CHRNB4: variants seen among roughly 807,000 people sequenced by gnomAD.
CHRNB4 encodes the protein neuronal acetylcholine receptor subunit beta-4.
Under a neutral mutation model 40.4 loss-of-function variants are expected in CHRNB4, and 23 were observed. The observed-to-expected ratio is 0.57, with a 90% confidence interval of 0.41 to 0.81. CHRNB4 has a LOEUF of 0.81. CHRNB4 is among the 30% of genes least tolerant of loss of function. The pLI is 0.00. For synonymous variants in CHRNB4, 285 were observed against 274.4 expected (o/e 1.04, Z -0.38); for missense variants, 568 against 670.6 (o/e 0.85, Z 1.69).
intron 5 of CHRNB4, among the ~76,000 whole-genome samples, chr15:78,628,652 C>T (rs2053717982): frequency 6.6e-6 from 1 of 152,090 alleles, no homozygotes; most frequent in Non-Finnish European, 1.5e-5. Context: ...TCTCCTTTCC[C>T]TGTCTCACTT....
At chr15:78,661,434 C>A, upstream of CHRNB4, 1 of 513,732 alleles carries the variant, frequency 1.9e-6, no homozygotes, top group Admixed American at 2.4e-5. Context: ...ACAGAGTGAC[C>A]GGTTGGTGCG....
Position 78,629,401 on chromosome 15 carries a change from T to G in CHRNB4, c.904A>C (p.Thr302Pro). The stretch of plus-strand genomic sequence containing the variant: ...ATGGAGAAGGTGACCAGCACCATGG[T>G]GAACATGAGGTACTTGCCGATGAGA... The part of the protein sequence containing the change: ...VPLIGKYLMF[T>P]MVLVTFSIVT... The change falls in exon 5 of 6, where the codon ACC becomes CCC. Residue 302 changes from threonine (T) to proline (P), a missense_variant. This residue lies in a region of CHRNB4 where 242 missense variants were observed against 274.9 expected (regional missense o/e 0.88). Coordinates refer to ENST00000261751, the MANE Select transcript of CHRNB4 (RefSeq NM_000750.5). This position sits in a 1 kb window ranked among gnomAD's most constrained non-coding sequence, Gnocchi z 6.8. 1 of 1,613,970 alleles carries G rather than the reference T, an allele frequency of 6.2e-7. No individual in the cohort carries two copies. Among genetic ancestry groups the G allele is most frequent in the Non-Finnish European group, 8.5e-7 (1 of 1,179,982 alleles).
Position 78,631,337 on chromosome 15 carries a change from G to C in CHRNB4, c.205-5C>G, listed in dbSNP as rs775450590. 8 of 1,613,434 alleles carry C rather than the reference G, an allele frequency of 5.0e-6. No individual in the cohort carries two copies. The highest frequency in any genetic ancestry group is 6.8e-6 in the Non-Finnish European group (8 of 1,179,922). On this transcript the variant is annotated splice_polypyrimidine_tract_variant and splice_region_variant and intron_variant, in intron 2 of 5. Transcript: ENST00000261751. ...CATGATCTGCTCTCGCTCATTCTGG[G>C]GAGGGAAACGGGGCTATCAGTTCAC...
At chr15:78,640,853 G>T (rs1475843266) in intron 1 of CHRNB4, among the ~76,000 whole-genome samples, 1 of 152,152 alleles carries the variant, frequency 6.6e-6, no homozygotes, top group Non-Finnish European at 1.5e-5. Context: ...CAGCGGCTCC[G>T]AGAAGAGGCG....
rs1230868318 is a variant in CHRNB4, at chr15:78,641,185, G to T, written c.-52C>A. On this transcript the variant is annotated 5_prime_UTR_variant, in exon 1 of 6. Transcript: ENST00000261751. The stretch of plus-strand genomic sequence containing the variant: ...CGCGAGCTCCGCTGTGGGGTCACAG[G>T]GCACCCGTGAGCCGCGCGGTCGAGT... 1.3e-6 allele frequency: 2 copies of T among 1,488,494 alleles called. No homozygotes were observed. Among genetic ancestry groups the T allele is most frequent in the East Asian group, 5.2e-5 (2 of 38,250 alleles). The allele number at this position is 1,488,494 out of a possible 1,614,324, so 92.2% of individuals were successfully genotyped here. A position where few individuals can be genotyped will look rare whatever the true frequency, so the allele number is the denominator to read the frequency against.
chr15:78,653,845 T>C (rs1170527576), intron 5 of CHRNB4, among the ~76,000 whole-genome samples: 1 of 152,126 alleles, frequency 6.6e-6, no homozygotes, highest in Non-Finnish European at 1.5e-5. Context: ...CCTCCTCTTA[T>C]CATTTACAGT....
upstream of CHRNB4, chr15:78,641,367 T>G: frequency 2.2e-6 from 1 of 457,470 alleles, no homozygotes; most frequent in Admixed American, 4.5e-5. Flanking sequence ...GCCGCCTGGC[T>G]TCCCTATCTC....
At chr15:78,647,497 G>A (rs2054131835) in intron 7 of CHRNB4, among the ~76,000 whole-genome samples, 7 of 151,834 alleles carry the variant, frequency 4.6e-5, no homozygotes, top group Admixed American at 4.6e-4. Flanking sequence ...ACACAGAAGT[G>A]ATAATGAGAT....
At chr15:78,656,063 T>G (rs528078928) in intron 4 of CHRNB4, 1 of 152,164 alleles carries the variant, frequency 6.6e-6, no homozygotes, top group Admixed American at 6.5e-5. Context: ...CAAGACTGGG[T>G]GTGATAACTC....
intron 7 of CHRNB4, among the ~76,000 whole-genome samples, chr15:78,647,791 C>T (rs914959004): frequency 3.8e-5 from 5 of 130,286 alleles, no homozygotes; most frequent in Admixed American, 1.8e-4. Context: ...ATCCAGGAGG[C>T]GGAGCTTGCA....
intron 2 of CHRNB4, among the ~76,000 whole-genome samples, chr15:78,657,717 C>A (rs1052249356): frequency 1.3e-5 from 2 of 151,966 alleles, no homozygotes; most frequent in Non-Finnish European, 1.5e-5. Context: ...CCACGCCCGG[C>A]AATTTTTTGT....
intron 6 of CHRNB4, among the ~76,000 whole-genome samples, chr15:78,651,425 G>A (rs1038464077): frequency 6.6e-6 from 1 of 152,140 alleles, no homozygotes; most frequent in Admixed American, 6.5e-5. Context: ...GACCTGCACT[G>A]ACCCTAAGTC....
chr15:78,647,570 G>GGC (rs1425122715), intron 7 of CHRNB4, among the ~76,000 whole-genome samples: 4 of 151,580 alleles, frequency 2.6e-5, no homozygotes, highest in Admixed American at 1.3e-4. Context: ...GATTCAGCCG[G>GGC]GTGCAGTGGC....
intron 4 of CHRNB4, among the ~76,000 whole-genome samples, chr15:78,630,238 A>C (rs1234735888): frequency 2.0e-5 from 3 of 151,316 alleles, no homozygotes; most frequent in Non-Finnish European, 4.4e-5. Flanking sequence ...TCCCAGGTTC[A>C]AGCAGTTCTC....
intron 2 of CHRNB4, 61 bp downstream of exon 2, chr15:78,635,378 G>A: frequency 6.3e-7 from 1 of 1,586,382 alleles, no homozygotes; most frequent in Non-Finnish European, 8.6e-7. Context: ...TGATCGCCTG[G>A]GGCTTGGGCA....
intron 1 of CHRNB4, among the ~76,000 whole-genome samples, chr15:78,660,274 CT>C (rs1455098122): frequency 6.6e-6 from 1 of 152,034 alleles, no homozygotes; most frequent in Non-Finnish European, 1.5e-5. Flanking sequence ...TCTGGGCACA[CT>C]GCCTATGGGG....
At chr15:78,659,385 G>A (rs1248646845) in intron 1 of CHRNB4, among the ~76,000 whole-genome samples, 2 of 152,114 alleles carry the variant, frequency 1.3e-5, no homozygotes, top group Non-Finnish European at 2.9e-5. Context: ...CTGAGGTCAC[G>A]CCACTGCACT....
chr15:78,635,125 G>A (rs1390389723), intron 2 of CHRNB4, among the ~76,000 whole-genome samples: 1 of 152,202 alleles, frequency 6.6e-6, no homozygotes, highest in Admixed American at 6.5e-5. Context: ...GGGTGGGGCT[G>A]TAAAGACAAG....
upstream of CHRNB4, among the ~76,000 whole-genome samples, chr15:78,643,966 G>A (rs1017891544): frequency 5.4e-5 from 8 of 148,250 alleles, no homozygotes; most frequent in African/African-American, 7.5e-5. Flanking sequence ...TGGCTAACAC[G>A]GTGAAACCTC....
Sources: gnomAD v4.1 joint callset for allele counts (sites outside exome capture counted in the v4.1 genomes callset) on GRCh38, gnomAD v4.1.1 for gene constraint, gnomAD v4.1.1 regional missense constraint, Gnocchi (gnomAD v3.1) non-coding constraint, MANE v1.5 for transcripts, NCBI Gene and HGNC (gene_info 2026-07-23, HGNC 2026-07-21) for gene names.